MAMDC2: variants seen among roughly 807,000 people sequenced by gnomAD.
The protein encoded by MAMDC2 is MAM domain containing 2.
A neutral mutation model predicts 89.8 loss-of-function variants in MAMDC2; 57 were observed. The observed-to-expected ratio is 0.63, with a 90% CI of 0.51 to 0.79. MAMDC2 has a LOEUF of 0.79. Among genes scored for constraint, MAMDC2 ranks in the 30% least tolerant of loss-of-function variants. The probability of loss-of-function intolerance (pLI) is 0.00; values close to 1 mark genes in which losing one functional copy is unlikely to be tolerated. For missense variants in MAMDC2, 800 were observed against 820.6 expected, an observed-to-expected ratio of 0.97 and a Z score of 0.31; for synonymous variants, 313 against 293.4, an observed-to-expected ratio of 1.07 and a Z score of -0.68.
Position 70,089,398 on chromosome 9 carries a change from A to G in MAMDC2, c.149-18813A>G, listed in dbSNP as rs145576839. Among the ~76,000 whole-genome samples, 787 of 152,296 alleles carry G rather than the reference A, an allele frequency of 5.2e-3. 10 individuals carry two copies. Among genetic ancestry groups the G allele is most frequent in the African/African-American group, 0.018 (757 of 41,574 alleles). On this transcript the variant is annotated intron_variant, in intron 2 of 13. Transcript: ENST00000377182. ...GCCCTTTATCATATCAATGAGTTGT[A>G]GCTCTAATTTTATGCATATTTGAAT...
intron 11 of MAMDC2, among the ~76,000 whole-genome samples, chr9:70,192,940 A>G (rs2032911198): frequency 6.6e-6 from 1 of 152,098 alleles, no homozygotes; most frequent in Admixed American, 6.5e-5. Context: ...CTTGCTGAGG[A>G]CAGGCATGGT....
At chr9:70,212,394 A>G (rs2033372304) in intron 11 of MAMDC2, among the ~76,000 whole-genome samples, 1 of 152,206 alleles carries the variant, frequency 6.6e-6, no homozygotes, top group Non-Finnish European at 1.5e-5. Flanking sequence ...GTTAGCAGTG[A>G]GCGAGGCTCT....
chr9:70,192,919 C>A (rs2032910643), intron 11 of MAMDC2, among the ~76,000 whole-genome samples: 1 of 152,032 alleles, frequency 6.6e-6, no homozygotes, highest in Non-Finnish European at 1.5e-5. Flanking sequence ...CTAAACCAGC[C>A]TAACAGGATT....
intron 11 of MAMDC2, among the ~76,000 whole-genome samples, chr9:70,192,701 T>C (rs1218268715): frequency 6.6e-6 from 1 of 152,134 alleles, no homozygotes; most frequent in Non-Finnish European, 1.5e-5. Flanking sequence ...GTAATGATAC[T>C]TGTTAAAGCA....
At chr9:70,169,851 A>G (rs1258671631) in intron 10 of MAMDC2, 3 of 152,220 alleles carry the variant, frequency 2.0e-5, no homozygotes, top group Non-Finnish European at 2.9e-5. Flanking sequence ...TAAGTTCTAA[A>G]ATTTAATTAT....
chr9:70,178,065 G>T (rs1465960623), intron 11 of MAMDC2, among the ~76,000 whole-genome samples: 2 of 152,186 alleles, frequency 1.3e-5, no homozygotes, highest in African/African-American at 4.8e-5. Flanking sequence ...CCCCACAAAA[G>T]AGTGGTTTTC....
chr9:70,084,439 G>T (rs1827721716), intron 2 of MAMDC2, among the ~76,000 whole-genome samples: 1 of 152,068 alleles, frequency 6.6e-6, no homozygotes, highest in Non-Finnish European at 1.5e-5. Flanking sequence ...ATTGCAGAAT[G>T]AATGAACTCA....
chr9:70,212,189 C>T (rs2033367842), intron 11 of MAMDC2, among the ~76,000 whole-genome samples: 1 of 152,254 alleles, frequency 6.6e-6, no homozygotes, highest in Admixed American at 6.5e-5. Context: ...GCAGAAGTTT[C>T]TGCTGCCTTT....
At chr9:70,159,953 T>C (rs12341341) in intron 9 of MAMDC2, among the ~76,000 whole-genome samples, 20,867 of 151,960 alleles carry the variant, frequency 0.14, 1,702 homozygotes, top group African/African-American at 0.23. Flanking sequence ...GACTCACACC[T>C]GTAATCCCAG....
At position 70,118,046 on chromosome 9, in the gene MAMDC2, G is replaced by T. The variant is rs139155677; in HGVS notation, c.643+4914G>T. Among the ~76,000 whole-genome samples, 23 of 152,290 alleles carry T rather than the reference G, an allele frequency of 1.5e-4. No individual in the cohort carries two copies. The East Asian group carries it at 4.1e-3, about 27-fold the overall frequency. On this transcript the variant is annotated intron_variant, in intron 5 of 13. Transcript: ENST00000377182. ...GGAATTTGGCCAGATGCATAAGGGG[G>T]AGACAAATGTAGCATGTGCAAAAGT...
intron 2 of MAMDC2, among the ~76,000 whole-genome samples, chr9:70,089,517 A>G (rs1214097587): frequency 2.0e-5 from 3 of 152,142 alleles, no homozygotes; most frequent in Non-Finnish European, 4.4e-5. Context: ...GCTGGCAGGA[A>G]AATCTAGGGA....
intron 11 of MAMDC2, among the ~76,000 whole-genome samples, chr9:70,201,845 G>A (rs2033105836): frequency 7.1e-6 from 1 of 141,482 alleles, no homozygotes; most frequent in African/African-American, 2.7e-5. Flanking sequence ...TTGCGTAGAG[G>A]TGTTTGTAGT....
intron 9 of MAMDC2, among the ~76,000 whole-genome samples, chr9:70,144,499 A>G (rs749962502): frequency 6.6e-5 from 10 of 152,236 alleles, no homozygotes; most frequent in Non-Finnish European, 1.3e-4. Flanking sequence ...AATTCTGTCA[A>G]CTGCAACTCA....
intron 2 of MAMDC2, among the ~76,000 whole-genome samples, chr9:70,084,095 A>T (rs1179445111): frequency 2.0e-5 from 3 of 152,132 alleles, no homozygotes; most frequent in African/African-American, 4.8e-5. Context: ...CCTCCTTGGC[A>T]TCAAAATATG....
chr9:70,149,328 G>A (rs113565854), intron 9 of MAMDC2, among the ~76,000 whole-genome samples: 4 of 152,198 alleles, frequency 2.6e-5, no homozygotes, highest in African/African-American at 9.6e-5. Context: ...GGAAGTTTAT[G>A]AGGGTTGCTC....
chr9:70,117,546 T>G (rs562553182), intron 5 of MAMDC2, among the ~76,000 whole-genome samples: 1 of 152,212 alleles, frequency 6.6e-6, no homozygotes, highest in Admixed American at 6.5e-5. Flanking sequence ...CCATGGCACA[T>G]GTATATCTAT....
intron 12 of MAMDC2, among the ~76,000 whole-genome samples, chr9:70,225,208 CTG>C: frequency 6.6e-6 from 1 of 152,268 alleles, no homozygotes. Flanking sequence ...TCTGCCTGAG[CTG>C]TGTCTTTGAT....
At chr9:70,107,281 A>G (rs1828367485) in intron 2 of MAMDC2, among the ~76,000 whole-genome samples, 1 of 152,158 alleles carries the variant, frequency 6.6e-6, no homozygotes, top group Admixed American at 6.5e-5. Context: ...AATGCTTTTC[A>G]TATCTTGTAC....
At position 70,160,038 on chromosome 9, in the gene MAMDC2, C is replaced by T. The variant is rs548569385; in HGVS notation, c.1405-8664C>T. ...ACCAGCCTGGCCAACATGGTAAGAC[C>T]CTGTCTCTACTAAAAGTAAAAAAAT... is the stretch of plus-strand genomic sequence containing the variant. On this transcript the variant is annotated intron_variant, in intron 9 of 13. Coordinates refer to ENST00000377182, the MANE Select transcript of MAMDC2 (RefSeq NM_153267.5). Among the ~76,000 whole-genome samples the T allele has an allele frequency of 3.3e-5, 5 of 152,118 alleles. No individual in the cohort carries two copies. The South Asian group carries it at 1.0e-3, about 32-fold the overall frequency.
Sources: gnomAD v4.1 joint callset for allele counts (sites outside exome capture counted in the v4.1 genomes callset) on GRCh38, gnomAD v4.1.1 for gene constraint, MANE v1.5 for transcripts, NCBI Gene and HGNC (gene_info 2026-07-23, HGNC 2026-07-21) for gene names.